Variants in SRPK2 observed in about 807,000 individuals in gnomAD.
SRPK2 encodes the protein SRSF protein kinase 2.
Under a neutral mutation model 90.8 loss-of-function variants are expected in SRPK2, and 21 were observed. The ratio of observed to expected loss-of-function variants is 0.23; its 90% CI spans 0.16 to 0.33. SRPK2 has a LOEUF of 0.33. SRPK2 is among the 10% of genes least tolerant of loss of function. SRPK2 has a pLI of 1.00. For synonymous variants in SRPK2, 288 were observed against 311.1 expected (o/e 0.93, Z 0.78); for missense variants, 620 against 869.0 (o/e 0.71, Z 3.60).
chr7:105,153,100 A>T (rs1190528517), intron 7 of SRPK2, among the ~76,000 whole-genome samples: 2 of 152,206 alleles, frequency 1.3e-5, no homozygotes, highest in East Asian at 3.9e-4. Flanking sequence ...TTTGGCTGCC[A>T]GGGAAGCTGA....
At chr7:105,375,663 A>G (rs570441745) in intron 2 of SRPK2, among the ~76,000 whole-genome samples, 1 of 152,372 alleles carries the variant, frequency 6.6e-6, no homozygotes, top group East Asian at 1.9e-4. Flanking sequence ...GAAATAAATA[A>G]GCAAGCAACA....
chr7:105,167,041 A>G (rs1471760262), intron 6 of SRPK2, among the ~76,000 whole-genome samples: 1 of 152,220 alleles, frequency 6.6e-6, no homozygotes, highest in Non-Finnish European at 1.5e-5. Flanking sequence ...CTGGTTTTAG[A>G]AAGTTTAAAA....
rs1280092945 is a variant in SRPK2, at chr7:105,319,516, G to GC, written c.71+69131_71+69132insG. Among the ~76,000 whole-genome samples, 122 of 94,642 alleles carry GC rather than the reference G, an allele frequency of 1.3e-3. 21 individuals are homozygous for GC. The East Asian group carries it at 0.018, about 14-fold the overall frequency. 62.1% of individuals were successfully genotyped at this position (94,642 alleles called of 152,430 possible). ...AATGCACTTGCGGCGGGGGGGGGGGGGGCGGTGGATGGCAGGGGGAGAATA... is the reference window on the plus strand; with the variant it reads ...AATGCACTTGCGGCGGGGGGGGGGGGCGGCGGTGGATGGCAGGGGGAGAATA... On this transcript the variant is annotated intron_variant, in intron 2 of 15. Coordinates refer to ENST00000393651, the MANE Select transcript of SRPK2 (RefSeq NM_182692.3).
intron 11 of SRPK2, among the ~76,000 whole-genome samples, chr7:105,139,576 T>C (rs924778545): frequency 2.0e-5 from 3 of 152,210 alleles, no homozygotes; most frequent in Non-Finnish European, 2.9e-5. Flanking sequence ...GGAGCTGTCA[T>C]GTAAACAATA....
chr7:105,369,988 T>C (rs12533264), intron 2 of SRPK2, among the ~76,000 whole-genome samples: 63,845 of 151,728 alleles, frequency 0.42, 15,361 homozygotes, highest in Non-Finnish European at 0.54. Flanking sequence ...GATCACGTCA[T>C]TGCACTCCAG....
chr7:105,127,511 C>A (rs1034917125), intron 13 of SRPK2, among the ~76,000 whole-genome samples: 2 of 152,218 alleles, frequency 1.3e-5, no homozygotes, highest in Non-Finnish European at 2.9e-5. Context: ...GTTTTAGTAA[C>A]CAAGGACTAT....
intron 7 of SRPK2, among the ~76,000 whole-genome samples, chr7:105,159,465 A>AAAAAAAAAAAAAAAAAAAAAAAC (rs1807178226): frequency 7.0e-6 from 1 of 142,788 alleles, no homozygotes; most frequent in Non-Finnish European, 1.5e-5. Context: ...AAAAAAAAAA[A>AAAAAAAAAAAAAAAAAAAAAAAC]AAAAAAAACC....
intron 9 of SRPK2, among the ~76,000 whole-genome samples, chr7:105,144,607 G>T (rs150198662): frequency 2.0e-5 from 3 of 152,020 alleles, no homozygotes; most frequent in African/African-American, 7.3e-5. Context: ...TTTAACATCC[G>T]CATGGAAAAA....
chr7:105,349,864 G>T (rs922632390), intron 2 of SRPK2, among the ~76,000 whole-genome samples: 1 of 151,810 alleles, frequency 6.6e-6, no homozygotes, highest in Non-Finnish European at 1.5e-5. Context: ...TCAGCCTCCT[G>T]CATAGCTGGG....
At chr7:105,166,401 TG>T (rs1790071446) in intron 6 of SRPK2, among the ~76,000 whole-genome samples, 1 of 152,232 alleles carries the variant, frequency 6.6e-6, no homozygotes, top group African/African-American at 2.4e-5. Flanking sequence ...TTAATGTCTT[TG>T]GTGAGTTTTA....
intron 3 of SRPK2, among the ~76,000 whole-genome samples, chr7:105,195,692 G>GT (rs1342916628): frequency 6.6e-6 from 1 of 152,130 alleles, no homozygotes; most frequent in Non-Finnish European, 1.5e-5. Context: ...GTCCCTTTCA[G>GT]TTTTTTATAA....
chr7:105,205,517 T>TCTCA (rs1491532268), intron 2 of SRPK2, among the ~76,000 whole-genome samples: 6 of 95,794 alleles, frequency 6.3e-5, no homozygotes, highest in Non-Finnish European at 1.2e-4. Flanking sequence ...TCTCTCTCTC[T>TCTCA]CACACACACA....
At chr7:105,371,328 G>C (rs916627054) in intron 2 of SRPK2, among the ~76,000 whole-genome samples, 1 of 151,968 alleles carries the variant, frequency 6.6e-6, no homozygotes, top group African/African-American at 2.4e-5. Flanking sequence ...AATCAAGTTA[G>C]TCATTAAATT....
At chr7:105,365,765 C>T (rs1032266868) in intron 2 of SRPK2, among the ~76,000 whole-genome samples, 4 of 151,502 alleles carry the variant, frequency 2.6e-5, no homozygotes, top group Admixed American at 1.3e-4. Flanking sequence ...CACTTCACTC[C>T]GGCCTGGGAG....
chr7:105,224,444 T>C (rs1563106521), intron 2 of SRPK2, among the ~76,000 whole-genome samples: 2 of 151,992 alleles, frequency 1.3e-5, no homozygotes, highest in Non-Finnish European at 2.9e-5. Flanking sequence ...ACTCCGTCTC[T>C]ACTAAAAATA....
intron 2 of SRPK2, among the ~76,000 whole-genome samples, chr7:105,241,229 G>A (rs572216993): frequency 2.0e-5 from 3 of 152,214 alleles, no homozygotes; most frequent in African/African-American, 7.2e-5. Context: ...TAAAGCATCC[G>A]CCAGCTCCTA....
At chr7:105,381,917 C>T (rs1820993357) in intron 2 of SRPK2, among the ~76,000 whole-genome samples, 1 of 152,120 alleles carries the variant, frequency 6.6e-6, no homozygotes, top group African/African-American at 2.4e-5. Flanking sequence ...CCTGTAATCC[C>T]AACACTTTGG....
intron 2 of SRPK2, among the ~76,000 whole-genome samples, chr7:105,213,560 C>A (rs1797104458): frequency 6.6e-6 from 1 of 152,144 alleles, no homozygotes; most frequent in Non-Finnish European, 1.5e-5. Context: ...AGGACCCCTA[C>A]TATAATTGCC....
intron 15 of SRPK2, among the ~76,000 whole-genome samples, chr7:105,120,809 A>C (rs940076835): frequency 6.6e-6 from 1 of 152,168 alleles, no homozygotes; most frequent in Non-Finnish European, 1.5e-5. Flanking sequence ...TGATAAGGTT[A>C]CTTAAACACA....
Sources: gnomAD v4.1 joint callset for allele counts (sites outside exome capture counted in the v4.1 genomes callset) on GRCh38, gnomAD v4.1.1 for gene constraint, MANE v1.5 for transcripts, NCBI Gene and HGNC (gene_info 2026-07-23, HGNC 2026-07-21) for gene names.